Variants in NT5M observed in about 807,000 individuals in gnomAD.
NT5M encodes the protein 5',3'-nucleotidase, mitochondrial.
Under a neutral mutation model 22.2 loss-of-function variants are expected in NT5M, and 22 were observed. The ratio of observed to expected loss-of-function variants is 0.99; its 90% CI spans 0.71 to 1.41. The LOEUF is 1.41. NT5M is among the 40% of genes most tolerant of loss of function. NT5M has a pLI of 0.00. For synonymous variants in NT5M, 167 were observed against 133.0 expected, an observed-to-expected ratio of 1.26 and a Z score of -1.76; for missense variants, 322 against 314.8, an observed-to-expected ratio of 1.02 and a Z score of -0.17.
At position 17,315,910 on chromosome 17, in the gene NT5M, C is replaced by A. The variant is rs2049017102; in HGVS notation, c.369-7275C>A. On this transcript the variant is annotated intron_variant, in intron 2 of 4. Transcript: ENST00000389022. ...GGGACTACAGGCATCTGCCACCACG[C>A]CCGGCTAATTTTTTTTTGTATTTTT... 2.0e-5 allele frequency among the ~76,000 whole-genome samples: 3 copies of A among 151,898 alleles called. No homozygotes were observed. The South Asian group carries it at 6.2e-4, about 32-fold the overall frequency.
In NT5M at chr17:17,303,496, G is replaced by A; in HGVS notation, c.-55G>A. The A allele has an allele frequency of 4.9e-6, 5 of 1,020,524 alleles. No individual in the cohort carries two copies. The highest frequency in any genetic ancestry group is 4.7e-6 in the Non-Finnish European group (4 of 854,122). The allele number at this position is 1,020,524 out of a possible 1,614,324, so 63.2% of individuals were successfully genotyped here. A position where few individuals can be genotyped will look rare whatever the true frequency, so the allele number is the denominator to read the frequency against. Reference sequence around the variant, plus strand: ...GCGGCGGGAATGTCTGGCCGGCTCCGGCAGCACGGCGCGGCCCAGGTCCCC... The same window carrying A: ...GCGGCGGGAATGTCTGGCCGGCTCCAGCAGCACGGCGCGGCCCAGGTCCCC... On this transcript the variant is annotated 5_prime_UTR_variant, in exon 1 of 5. Transcript: ENST00000389022.
intron 3 of NT5M, among the ~76,000 whole-genome samples, chr17:17,334,591 T>C (rs540352914): frequency 2.5e-4 from 37 of 150,278 alleles, no homozygotes; most frequent in African/African-American, 3.9e-4. Context: ...TTCTCGTGCC[T>C]CAGCCTCCCG....
chr17:17,303,822 G>T lies in NT5M; in HGVS notation c.267+5G>T. ...CGCCTGCGGCCAGGGCTGAGCGTGA[G>T]CGTCCCCGCCCCGCCCCGCGCCGGG... On this transcript the variant is annotated splice_donor_5th_base_variant and intron_variant, in intron 1 of 4. Coordinates refer to ENST00000389022, the MANE Select transcript of NT5M (RefSeq NM_020201.4). 2 of 1,434,678 alleles carry T rather than the reference G, an allele frequency of 1.4e-6. No homozygotes were observed. The allele number at this position is 1,434,678 out of a possible 1,614,324, so 88.9% of individuals were successfully genotyped here. A position where few individuals can be genotyped will look rare whatever the true frequency, so the allele number is the denominator to read the frequency against.
chr17:17,319,320 A>G (rs529876307), intron 2 of NT5M, among the ~76,000 whole-genome samples: 1 of 151,586 alleles, frequency 6.6e-6, no homozygotes, highest in African/African-American at 2.4e-5. Flanking sequence ...GCTTAATGGG[A>G]ATGGGGCTTC....
intron 3 of NT5M, among the ~76,000 whole-genome samples, chr17:17,333,163 T>A (rs2049423396): frequency 6.6e-6 from 1 of 152,250 alleles, no homozygotes; most frequent in Non-Finnish European, 1.5e-5. Flanking sequence ...AACGAAATGT[T>A]CAAGTCTTTT....
intron 4 of NT5M, among the ~76,000 whole-genome samples, chr17:17,345,525 G>A (rs2049739476): frequency 6.6e-6 from 1 of 151,874 alleles, no homozygotes. Flanking sequence ...TCTGGGCATG[G>A]TGGTGCATGC....
At chr17:17,315,271 C>T (rs2048999601) in intron 2 of NT5M, among the ~76,000 whole-genome samples, 1 of 152,260 alleles carries the variant, frequency 6.6e-6, no homozygotes, top group South Asian at 2.1e-4. Flanking sequence ...TAAACAGATA[C>T]ATTTTACGAC....
At chr17:17,314,245 G>T (rs2048978061) in intron 2 of NT5M, among the ~76,000 whole-genome samples, 1 of 152,094 alleles carries the variant, frequency 6.6e-6, no homozygotes, top group Admixed American at 6.6e-5. Flanking sequence ...ACGTTGGTCA[G>T]GCTGGTGTTT....
intron 2 of NT5M, among the ~76,000 whole-genome samples, chr17:17,312,778 G>A (rs1338809804): frequency 2.0e-5 from 3 of 151,590 alleles, no homozygotes; most frequent in Admixed American, 6.6e-5. Flanking sequence ...GGGCAACACA[G>A]CAAGCTCCTG....
At chr17:17,321,017 G>A (rs1288818658) in intron 2 of NT5M, among the ~76,000 whole-genome samples, 5 of 150,796 alleles carry the variant, frequency 3.3e-5, no homozygotes, top group Non-Finnish European at 7.4e-5. Flanking sequence ...GGGGTCGGTA[G>A]GTGGAGGCAG....
intron 1 of NT5M, chr17:17,304,465 C>T (rs2048749681): frequency 1.0e-6 from 1 of 981,996 alleles, no homozygotes; most frequent in Non-Finnish European, 1.2e-6. Flanking sequence ...GGGACGTTTA[C>T]ACACAGATCT....
At chr17:17,338,111 T>C (rs1409721877) in intron 3 of NT5M, among the ~76,000 whole-genome samples, 1 of 152,212 alleles carries the variant, frequency 6.6e-6, no homozygotes, top group Non-Finnish European at 1.5e-5. Flanking sequence ...GAAGAGACTG[T>C]CGTTTCCCCA....
chr17:17,334,123 G>A (rs1268484411), intron 3 of NT5M, among the ~76,000 whole-genome samples: 2 of 151,918 alleles, frequency 1.3e-5, no homozygotes, highest in African/African-American at 4.8e-5. Context: ...GTGAGACACC[G>A]TGCCTGGTAT....
At position 17,308,427 on chromosome 17, in the gene NT5M, A is replaced by G. The variant is rs189500222; in HGVS notation, c.368+1784A>G. Among the ~76,000 whole-genome samples, 778 of 152,002 alleles carry G rather than the reference A, an allele frequency of 5.1e-3. 9 individuals are homozygous for G. Among genetic ancestry groups the G allele is most frequent in the Non-Finnish European group, 9.2e-3 (622 of 67,942 alleles). Reference sequence around the variant, plus strand: ...GCCAACATGGTGAAACCCCATCTCTACTAAAAATACAAAAATTAGCTGGGC... The same window carrying G: ...GCCAACATGGTGAAACCCCATCTCTGCTAAAAATACAAAAATTAGCTGGGC... On this transcript the variant is annotated intron_variant, in intron 2 of 4. Coordinates refer to ENST00000389022, the MANE Select transcript of NT5M (RefSeq NM_020201.4).
intron 2 of NT5M, among the ~76,000 whole-genome samples, chr17:17,312,257 G>C (rs1390215397): frequency 4.6e-5 from 7 of 152,192 alleles, no homozygotes; most frequent in Admixed American, 4.6e-4. Flanking sequence ...GATTAGATTG[G>C]CTTCTTCACC....
At chr17:17,341,089 C>T (rs2049632563) in intron 3 of NT5M, among the ~76,000 whole-genome samples, 1 of 152,066 alleles carries the variant, frequency 6.6e-6, no homozygotes, top group Non-Finnish European at 1.5e-5. Flanking sequence ...CATTCAGGAG[C>T]ATGTTGTTTA....
Position 17,306,620 on chromosome 17 carries a change from C to T in NT5M, c.345C>T (p.Val115=). 1 of 1,613,806 alleles carries T rather than the reference C, an allele frequency of 6.2e-7. No individual in the cohort carries two copies. The highest frequency in any genetic ancestry group is 2.2e-5 in the East Asian group (1 of 44,884). Residue 115 remains valine (V), a synonymous_variant, in exon 2 of 5, where the codon GTC becomes GTT. Coordinates refer to ENST00000389022, the MANE Select transcript of NT5M (RefSeq NM_020201.4). The part of the protein sequence containing the change: ...LEPLPGAVEA[V]KEMASLQNTD... The stretch of plus-strand genomic sequence containing the variant: ...CTCTGCCAGGGGCCGTGGAAGCTGT[C>T]AAGGAGATGGCCAGCCTACAAAAGT...
intron 2 of NT5M, among the ~76,000 whole-genome samples, chr17:17,319,648 ATT>A (rs2049109584): frequency 6.6e-6 from 1 of 152,158 alleles, no homozygotes; most frequent in Non-Finnish European, 1.5e-5. Flanking sequence ...TTTATGTAAC[ATT>A]CTAGAAAATA....
chr17:17,308,953 T>C (rs762187447), intron 2 of NT5M, among the ~76,000 whole-genome samples: 2 of 152,314 alleles, frequency 1.3e-5, no homozygotes, highest in East Asian at 1.9e-4. Flanking sequence ...GGCTGAATGA[T>C]ATTCCAGCCA....
Sources: allele counts gnomAD v4.1 joint callset (sites outside exome capture counted in the v4.1 genomes callset), GRCh38; gene constraint gnomAD v4.1.1; transcripts MANE v1.5; gene names NCBI Gene and HGNC (gene_info 2026-07-23, HGNC 2026-07-21).